The following KCNMB2 variants were observed in gnomAD, a reference collection of about 807,000 sequenced individuals.
The protein encoded by KCNMB2 is calcium-activated potassium channel subunit beta-2.
In KCNMB2, 9 loss-of-function variants were observed where a neutral mutation model predicts 24.5. That is an observed-to-expected ratio of 0.37 (90% CI 0.22 to 0.64). KCNMB2 has a LOEUF of 0.64. KCNMB2 is among the 30% of genes least tolerant of loss of function. The pLI is 0.63. For synonymous variants in KCNMB2, 109 were observed against 104.4 expected (o/e 1.04, Z -0.27); for missense variants, 226 against 284.3 (o/e 0.79, Z 1.47).
At chr3:178,549,220 A>G (rs1715865420) in intron 1 of KCNMB2, among the ~76,000 whole-genome samples, 1 of 152,154 alleles carries the variant, frequency 6.6e-6, no homozygotes, top group South Asian at 2.1e-4. Context: ...GAGAAGAATT[A>G]GAGAGACTCT....
intron 1 of KCNMB2, among the ~76,000 whole-genome samples, chr3:178,667,649 T>C (rs1188504259): frequency 3.3e-5 from 5 of 152,078 alleles, no homozygotes; most frequent in Non-Finnish European, 5.9e-5. Flanking sequence ...AAAAAGAGGC[T>C]TTAGAAGAAA....
chr3:178,760,108 ATC>A (rs1491416143), intron 1 of KCNMB2, among the ~76,000 whole-genome samples: 1 of 35,170 alleles, frequency 2.8e-5, no homozygotes, highest in Non-Finnish European at 4.8e-5. Flanking sequence ...ATATATATAT[ATC>A]CAAGAGGATA....
At chr3:178,795,681 G>A (rs911009811) in intron 1 of KCNMB2, among the ~76,000 whole-genome samples, 10 of 152,140 alleles carry the variant, frequency 6.6e-5, no homozygotes, top group Non-Finnish European at 1.5e-4. Context: ...CTTGACCTTA[G>A]CCCAGTTAGG....
chr3:178,669,770 G>A lies in KCNMB2; in HGVS notation c.-68+133059G>A, dbSNP rs142999264. 3.1e-3 allele frequency among the ~76,000 whole-genome samples: 476 copies of A among 152,092 alleles called. 2 individuals are homozygous for A. Among genetic ancestry groups the A allele is most frequent in the Non-Finnish European group, 4.3e-3 (289 of 67,982 alleles). ...GCCAGCAGTAAAAAGGAAACTTTTG[G>A]ATGTTTTGGAAAAACATCATGGAAG... On this transcript the variant is annotated intron_variant, in intron 1 of 4. Transcript: ENST00000452583.
intron 1 of KCNMB2, among the ~76,000 whole-genome samples, chr3:178,668,960 C>A (rs140696822): frequency 2.6e-5 from 4 of 152,218 alleles, no homozygotes; most frequent in Admixed American, 2.6e-4. Context: ...CTCTAGAGGT[C>A]CAATTCATCC....
chr3:178,573,593 A>AAC (rs1192345391), intron 1 of KCNMB2, among the ~76,000 whole-genome samples: 1 of 150,986 alleles, frequency 6.6e-6, no homozygotes, highest in Non-Finnish European at 1.5e-5. Context: ...TAAAAAAAAA[A>AAC]AAAAAACTAG....
intron 1 of KCNMB2, among the ~76,000 whole-genome samples, chr3:178,759,470 T>G (rs1328014483): frequency 3.5e-5 from 2 of 57,714 alleles, no homozygotes; most frequent in South Asian, 5.3e-4. Flanking sequence ...TCCAAGAGGA[T>G]ATATATATAT....
At chr3:178,655,095 C>CCT (rs67468527) in intron 1 of KCNMB2, among the ~76,000 whole-genome samples, 9,549 of 110,902 alleles carry the variant, frequency 0.086, 579 homozygotes, top group East Asian at 0.12. Flanking sequence ...ATTAGCTCTC[C>CCT]CTCTCTCTCT....
At chr3:178,603,193 TG>T (rs1718152605) in intron 1 of KCNMB2, among the ~76,000 whole-genome samples, 2 of 152,278 alleles carry the variant, frequency 1.3e-5, no homozygotes, top group African/African-American at 4.8e-5. Context: ...ATTTGGGTCC[TG>T]AGGGTGGTGC....
intron 1 of KCNMB2, among the ~76,000 whole-genome samples, chr3:178,662,891 T>C (rs939629236): frequency 2.0e-5 from 3 of 152,186 alleles, no homozygotes; most frequent in Non-Finnish European, 2.9e-5. Context: ...AGAAGTTCAG[T>C]AATTGGGTCA....
chr3:178,841,503 A>AGACTGGG, intron 4 of KCNMB2: 1 of 152,302 alleles, frequency 6.6e-6, no homozygotes, highest in East Asian at 1.9e-4. Context: ...ATACTACCTG[A>AGACTGGG]GACTGGGTAA....
At chr3:178,646,374 C>A (rs1228555540) in intron 1 of KCNMB2, among the ~76,000 whole-genome samples, 1 of 152,202 alleles carries the variant, frequency 6.6e-6, no homozygotes, top group African/African-American at 2.4e-5. Context: ...GTTTCCTCTA[C>A]ATTATAAGCT....
chr3:178,705,316 G>A (rs1722241426), intron 1 of KCNMB2, among the ~76,000 whole-genome samples: 1 of 152,040 alleles, frequency 6.6e-6, no homozygotes, highest in South Asian at 2.1e-4. Context: ...GCAAAGAAGG[G>A]AATGAATCTC....
intron 1 of KCNMB2, among the ~76,000 whole-genome samples, chr3:178,679,659 T>C (rs1463329085): frequency 1.3e-5 from 2 of 152,148 alleles, no homozygotes; most frequent in Non-Finnish European, 2.9e-5. Flanking sequence ...CATGCACATT[T>C]CAAGGATCTT....
intron 1 of KCNMB2, among the ~76,000 whole-genome samples, chr3:178,572,937 C>T (rs959658834): frequency 2.0e-5 from 3 of 151,866 alleles, no homozygotes; most frequent in Admixed American, 6.6e-5. Flanking sequence ...CATTTATTTA[C>T]GAATTCATAC....
chr3:178,631,888 G>A (rs1265682871), intron 1 of KCNMB2, among the ~76,000 whole-genome samples: 1 of 152,162 alleles, frequency 6.6e-6, no homozygotes. Context: ...CTCACATGGA[G>A]AAAACAGCTA....
At chr3:178,659,429 CT>C (rs1720450449) in intron 1 of KCNMB2, among the ~76,000 whole-genome samples, 1 of 152,198 alleles carries the variant, frequency 6.6e-6, no homozygotes. Context: ...GTTCAATTTT[CT>C]CCAGATAGTG....
chr3:178,557,152 T>G (rs1430964557), intron 1 of KCNMB2, among the ~76,000 whole-genome samples: 2 of 152,204 alleles, frequency 1.3e-5, no homozygotes, highest in African/African-American at 4.8e-5. Context: ...GGACCCTTAT[T>G]ATAATACTAA....
At chr3:178,541,204 C>T (rs1715604998) in intron 1 of KCNMB2, among the ~76,000 whole-genome samples, 1 of 152,170 alleles carries the variant, frequency 6.6e-6, no homozygotes, top group African/African-American at 2.4e-5. Context: ...TCACTGATTC[C>T]AATCCATGTC....
Sources: allele counts gnomAD v4.1 joint callset (sites outside exome capture counted in the v4.1 genomes callset), GRCh38; gene constraint gnomAD v4.1.1; transcripts MANE v1.5; gene names NCBI Gene and HGNC (gene_info 2026-07-23, HGNC 2026-07-21).